Variants in CPVL observed in about 807,000 individuals in gnomAD.
The protein encoded by CPVL is probable serine carboxypeptidase CPVL.
CPVL carries 51 observed loss-of-function variants against 63.7 expected under a neutral mutation model. That is an observed-to-expected ratio of 0.80 (90% confidence interval 0.64 to 1.01). The LOEUF (loss-of-function observed/expected upper bound fraction) is 1.01, where lower values mean the gene tolerates loss of function less well. Among genes scored for constraint, CPVL ranks in the 50% least tolerant of loss-of-function variants. The pLI is 0.00. For missense variants in CPVL, 530 were observed against 573.1 expected, an observed-to-expected ratio of 0.92 and a Z score of 0.77; for synonymous variants, 195 against 206.0, an observed-to-expected ratio of 0.95 and a Z score of 0.46.
At chr7:29,129,367 T>C (rs932445768) in intron 1 of CPVL, among the ~76,000 whole-genome samples, 24 of 152,220 alleles carry the variant, frequency 1.6e-4, no homozygotes, top group African/African-American at 5.8e-4. Context: ...GAGCTGAAGA[T>C]ATTTTGAAGT....
chr7:29,160,896 C>T (rs886231755), intron 5 of CPVL, among the ~76,000 whole-genome samples: 6 of 152,064 alleles, frequency 3.9e-5, no homozygotes, highest in African/African-American at 7.2e-5. Flanking sequence ...TTTTGATTAA[C>T]GTGAAAAGCT....
At chr7:29,007,752 A>AC (rs1785340123) in intron 12 of CPVL, among the ~76,000 whole-genome samples, 3 of 149,922 alleles carry the variant, frequency 2.0e-5, no homozygotes, top group Non-Finnish European at 4.5e-5. Flanking sequence ...GTAGTATTAA[A>AC]ACACACACAC....
chr7:29,044,742 G>A (rs1789452679), intron 11 of CPVL, among the ~76,000 whole-genome samples: 1 of 152,158 alleles, frequency 6.6e-6, no homozygotes, highest in African/African-American at 2.4e-5. Context: ...TCAAAGTAAA[G>A]TCAACGGATG....
chr7:29,065,935 T>C, intron 10 of CPVL, 88 bp downstream of exon 10: 1 of 728,520 alleles, frequency 1.4e-6, no homozygotes, highest in Non-Finnish European at 2.4e-6. Flanking sequence ...TAGTATAAAG[T>C]CATCTATAAT....
chr7:29,068,721 G>A (rs1783395718), intron 9 of CPVL, among the ~76,000 whole-genome samples: 1 of 144,914 alleles, frequency 6.9e-6, no homozygotes, highest in South Asian at 2.2e-4. Context: ...TTGAGATGGA[G>A]TCTCGCTCTG....
Position 29,030,715 on chromosome 7 carries a change from G to A in CPVL, c.1182C>T (p.Ala394=), listed in dbSNP as rs1199889191. The A allele has an allele frequency of 6.2e-7, 1 of 1,612,494 alleles. No homozygotes were observed. Among genetic ancestry groups the A allele is most frequent in the East Asian group, 2.2e-5 (1 of 44,688 alleles). ...TGCCCATCAAGGAGCGCTCTGTCAG[G>A]GCAGCTGCCACGATGATGTCCAGTT... is the stretch of plus-strand genomic sequence containing the variant. ...NGQLDIIVAA[A]LTERSLMGMD... Residue 394 remains alanine (A), a synonymous_variant, in exon 12 of 13, where the codon GCC becomes GCT. Transcript: ENST00000265394.
intron 12 of CPVL, among the ~76,000 whole-genome samples, chr7:29,015,552 A>G (rs1425887030): frequency 6.6e-6 from 1 of 152,204 alleles, no homozygotes; most frequent in Non-Finnish European, 1.5e-5. Context: ...GCCCTCTGCC[A>G]TAAGTGAAAC....
intron 12 of CPVL, chr7:29,010,445 A>G (rs1186344157): frequency 6.6e-6 from 1 of 152,104 alleles, no homozygotes; most frequent in African/African-American, 2.4e-5. Context: ...GAAGGGACTC[A>G]ATGCTTTAGA....
chr7:29,147,990 C>T (rs1418299925), upstream of CPVL, among the ~76,000 whole-genome samples: 2 of 152,192 alleles, frequency 1.3e-5, no homozygotes, highest in African/African-American at 4.8e-5. Context: ...TCTCTTCCCA[C>T]AGGGCTCTAG....
At chr7:29,042,405 C>A (rs1335189489) in intron 11 of CPVL, among the ~76,000 whole-genome samples, 1 of 151,978 alleles carries the variant, frequency 6.6e-6, no homozygotes, top group Non-Finnish European at 1.5e-5. Context: ...GAGTTTGAGA[C>A]CAGTCTGGGC....
chr7:29,055,698 C>T (rs1790662490), intron 11 of CPVL, among the ~76,000 whole-genome samples: 1 of 152,228 alleles, frequency 6.6e-6, no homozygotes, highest in African/African-American at 2.4e-5. Context: ...GCCCAGCTGC[C>T]AGCTGCCAGC....
At chr7:29,188,519 T>C (rs1343595973) in intron 1 of CPVL, among the ~76,000 whole-genome samples, 1 of 152,140 alleles carries the variant, frequency 6.6e-6, no homozygotes, top group Non-Finnish European at 1.5e-5. Context: ...GCCCATTTAC[T>C]CTCCTTTTTT....
In CPVL at chr7:29,096,984, CAAAAAAAA is replaced by C. The variant is rs1165892123; in HGVS notation, c.289-775_289-768del. 4.7e-4 allele frequency among the ~76,000 whole-genome samples: 24 copies of C among 51,226 alleles called. No individual in the cohort carries two copies. In the East Asian group the frequency reaches 0.011, roughly 24 times the overall value. The allele number at this position is 51,226 out of a possible 152,430, so 33.6% of individuals were successfully genotyped here. ...TGGGTGACAGAGCGAGACTCTGTCT[CAAAAAAAA>C]AAAAAAAAAAAAAAAAAGAATGTGT... On this transcript the variant is annotated intron_variant, in intron 3 of 12. Coordinates refer to ENST00000265394, the MANE Select transcript of CPVL (RefSeq NM_031311.5).
At chr7:29,174,075 C>T (rs6944596) in intron 5 of CPVL, among the ~76,000 whole-genome samples, 19,312 of 152,104 alleles carry the variant, frequency 0.13, 1,717 homozygotes, top group East Asian at 0.43. Context: ...TCATAGTCTC[C>T]ATGGGGAAGA....
At chr7:29,034,103 CT>C (rs1249266638) in intron 11 of CPVL, among the ~76,000 whole-genome samples, 3 of 151,994 alleles carry the variant, frequency 2.0e-5, no homozygotes, top group Non-Finnish European at 4.4e-5. Context: ...GGTTACAATC[CT>C]TTTTTTAAAT....
chr7:29,182,637 A>T (rs985657666), intron 4 of CPVL, among the ~76,000 whole-genome samples: 1 of 152,248 alleles, frequency 6.6e-6, no homozygotes, highest in African/African-American at 2.4e-5. Flanking sequence ...ACAATTACGT[A>T]CACTCATGTC....
intron 9 of CPVL, among the ~76,000 whole-genome samples, chr7:29,066,697 G>C (rs536864102): frequency 9.2e-5 from 14 of 152,200 alleles, no homozygotes; most frequent in Non-Finnish European, 2.1e-4. Context: ...AGATGACATG[G>C]AGAGAAGACG....
intron 3 of CPVL, among the ~76,000 whole-genome samples, chr7:29,110,448 G>A (rs1243824487): frequency 6.6e-6 from 1 of 152,212 alleles, no homozygotes; most frequent in Non-Finnish European, 1.5e-5. Flanking sequence ...AGGAGCTTCA[G>A]GCAGAGGGTA....
chr7:28,995,945 G>T, intron 12 of CPVL, 63 bp from the exon 13 acceptor site: 1 of 938,394 alleles, frequency 1.1e-6, no homozygotes, highest in Non-Finnish European at 1.6e-6. Context: ...TACATGGAAA[G>T]TTTTCATTCA....
Sources: allele counts gnomAD v4.1 joint callset (sites outside exome capture counted in the v4.1 genomes callset), GRCh38; gene constraint gnomAD v4.1.1; transcripts MANE v1.5; gene names NCBI Gene and HGNC (gene_info 2026-07-23, HGNC 2026-07-21).